The following VCPIP1 variants were observed in gnomAD, a reference collection of about 807,000 sequenced individuals.
VCPIP1 encodes the protein valosin containing protein interacting protein 1.
Under a neutral mutation model 85.0 loss-of-function variants are expected in VCPIP1, and 8 were observed. That is an observed-to-expected ratio of 0.09 (90% CI 0.06 to 0.17). The LOEUF (loss-of-function observed/expected upper bound fraction) is 0.17, where lower values mean the gene tolerates loss of function less well. Ranked by LOEUF, VCPIP1 falls within the 10% of genes least tolerant of loss-of-function variation. The pLI is 1.00. For missense variants in VCPIP1, 1,070 were observed against 1,486.3 expected (o/e 0.72, Z 4.61); for synonymous variants, 543 against 544.5 (o/e 1.00, Z 0.04).
intron 2 of VCPIP1, among the ~76,000 whole-genome samples, chr8:66,641,324 C>A (rs553933526): frequency 1.3e-5 from 2 of 152,114 alleles, no homozygotes; most frequent in Non-Finnish European, 2.9e-5. Context: ...AGTTCACATA[C>A]AATTCACCCA....
chr8:66,650,653 TAAC>T (rs200842724), intron 2 of VCPIP1, among the ~76,000 whole-genome samples: 3,469 of 152,026 alleles, frequency 0.023, 59 homozygotes, highest in Non-Finnish European at 0.036. Flanking sequence ...TGGCCAAACA[TAAC>T]AACAACAACA....
chr8:66,664,886 T>A lies in VCPIP1; in HGVS notation c.2073A>T (p.Lys691Asn). Residue 691 changes from lysine (K) to asparagine (N), a missense_variant, in exon 1 of 3, where the codon AAA (lysine) becomes AAT (asparagine). Transcript: ENST00000310421. ...TTGTTTTCTGTCCAGTAAGAATAAT[T>A]TTAGTTGGGAGCTGAGACTCTGATT... ...GQESESQLPT[K>N]IILTGQKTKT... 1 of 1,614,200 alleles carries A rather than the reference T, an allele frequency of 6.2e-7. No homozygotes were observed. Among genetic ancestry groups the A allele is most frequent in the Non-Finnish European group, 8.5e-7 (1 of 1,180,042 alleles).
chr8:66,648,487 T>C (rs1466252680), intron 2 of VCPIP1, among the ~76,000 whole-genome samples: 1 of 152,210 alleles, frequency 6.6e-6, no homozygotes, highest in Admixed American at 6.5e-5. Context: ...ATCTGTCATC[T>C]ATCTGATCTA....
intron 1 of VCPIP1, among the ~76,000 whole-genome samples, chr8:66,659,603 C>T (rs1811135896): frequency 6.6e-6 from 1 of 152,088 alleles, no homozygotes; most frequent in Non-Finnish European, 1.5e-5. Context: ...AGAAAAAGCT[C>T]ATGTCCCTGG....
Position 66,635,178 on chromosome 8 carries a change from T to C in VCPIP1, c.2992A>G (p.Ser998Gly). ...AGTTTTAATAGCCCATGTGAGGGAC[T>C]TGATTCCCTACTTCTTGTAGTAGCC... ...AEATTRSRES[S>G]PSHGLLKLGS... The change falls in exon 3 of 3, where the codon AGT (serine) becomes GGT (glycine). Residue 998 changes from serine (S) to glycine (G), a missense_variant. By Grantham distance (56) the Ser-to-Gly change is moderately conservative. Coordinates refer to ENST00000310421, the MANE Select transcript of VCPIP1 (RefSeq NM_025054.5). 6.2e-7 allele frequency: 1 copy of C among 1,614,196 alleles called. No homozygotes were observed. The highest frequency in any genetic ancestry group is 8.5e-7 in the Non-Finnish European group (1 of 1,180,040).
At chr8:66,651,846 C>A (rs1811056761) in intron 1 of VCPIP1, among the ~76,000 whole-genome samples, 3 of 152,088 alleles carry the variant, frequency 2.0e-5, no homozygotes, top group Admixed American at 1.3e-4. Context: ...TGAATTCTCC[C>A]AATTTTAAAA....
chr8:66,646,777 C>T (rs1017975930), intron 2 of VCPIP1, among the ~76,000 whole-genome samples: 19 of 151,858 alleles, frequency 1.3e-4, no homozygotes, highest in African/African-American at 4.3e-4. Flanking sequence ...ACCTGGGTGA[C>T]GGAGTGAGAC....
rs954862191 is a variant in VCPIP1, at chr8:66,634,670, G to C, written c.3500C>G (p.Thr1167Ser). 3.7e-6 allele frequency: 6 copies of C among 1,613,116 alleles called. No individual in the cohort carries two copies. The highest frequency in any genetic ancestry group is 1.7e-5 in the Admixed American group (1 of 59,950). The change falls in exon 3 of 3, where the codon ACT (threonine) becomes AGT (serine). Residue 1167 changes from threonine to serine, a missense_variant. Coordinates refer to ENST00000310421, the MANE Select transcript of VCPIP1 (RefSeq NM_025054.5). Reference sequence around the variant, plus strand: ...AGTTGTTTCTGTATTCAAATTTTCAGTACCACCAGTTAAAGGAAAAGATTC... The same window carrying C: ...AGTTGTTTCTGTATTCAAATTTTCACTACCACCAGTTAAAGGAAAAGATTC... Reference protein sequence around the residue: ...LPESFPLTGGTENLNTETTDG... With the variant: ...LPESFPLTGGSENLNTETTDG...
At position 66,666,155 on chromosome 8, in the gene VCPIP1, G is replaced by A; in HGVS notation, c.804C>T (p.Asp268=). 4 of 1,614,140 alleles carry A rather than the reference G, an allele frequency of 2.5e-6. No individual in the cohort carries two copies. Among genetic ancestry groups the A allele is most frequent in the Non-Finnish European group, 1.7e-6 (2 of 1,180,028 alleles). ...HDFIDAAEWE[D]IINECDPLFV... is the part of the protein sequence containing the mutation. The stretch of plus-strand genomic sequence containing the variant: ...ACAGAGGGTCACACTCATTGATAAT[G>A]TCCTCCCACTCAGCAGCATCAATGA... The change falls in exon 1 of 3, where the codon GAC becomes GAT. Residue 268 remains aspartate (D), a synonymous_variant. Transcript: ENST00000310421. The surrounding 1 kb of genome is among the most constrained non-coding windows in gnomAD (Gnocchi z 6.3).
rs1271694875 is a variant in VCPIP1 at position 66,665,200 on chromosome 8, T to C, written c.1759A>G (p.Asn587Asp). ...KHFWDGKEYD[N>D]LPEAFPITLE... is the part of the protein sequence containing the mutation. ...GTAATAGGGAAAGCTTCTGGTAGAT[T>C]GTCATACTCCTTACCATCCCAAAAG... The change falls in exon 1 of 3, where the codon AAT (asparagine) becomes GAT (aspartate). Residue 587 changes from asparagine to aspartate, a missense_variant. This residue lies in a region of VCPIP1 where 123 missense variants were observed against 156.3 expected (regional missense o/e 0.79). Coordinates refer to ENST00000310421, the MANE Select transcript of VCPIP1 (RefSeq NM_025054.5). This position sits in a 1 kb window ranked among gnomAD's most constrained non-coding sequence, Gnocchi z 4.3. The C allele has an allele frequency of 6.2e-7, 1 of 1,613,610 alleles. No individual in the cohort carries two copies.
At position 66,634,458 on chromosome 8, in the gene VCPIP1, A is replaced by G. The variant is rs1177881993; in HGVS notation, c.*43T>C. The stretch of plus-strand genomic sequence containing the variant: ...ACGTGGCCCAGCCAACAAATATTAC[A>G]TATTCACAATAAACATTCTGCCTTT... On this transcript the variant is annotated 3_prime_UTR_variant, in exon 3 of 3. Coordinates refer to ENST00000310421, the MANE Select transcript of VCPIP1 (RefSeq NM_025054.5). The G allele has an allele frequency of 1.3e-6, 2 of 1,526,998 alleles. No individual in the cohort carries two copies. The highest frequency in any genetic ancestry group is 1.3e-5 in the South Asian group (1 of 75,990). The allele number at this position is 1,526,998 out of a possible 1,614,324, so 94.6% of individuals were successfully genotyped here. A position where few individuals can be genotyped will look rare whatever the true frequency, so the allele number is the denominator to read the frequency against.
intron 1 of VCPIP1, among the ~76,000 whole-genome samples, chr8:66,653,309 A>G (rs1011470121): frequency 1.3e-5 from 2 of 152,216 alleles, no homozygotes; most frequent in Admixed American, 6.5e-5. Context: ...CCTCACTTGG[A>G]TAAATTATTT....
intron 1 of VCPIP1, among the ~76,000 whole-genome samples, chr8:66,662,042 C>T (rs1586630117): frequency 6.6e-6 from 1 of 152,014 alleles, no homozygotes; most frequent in South Asian, 2.1e-4. Context: ...GCTGGGATTA[C>T]AGGCATGAGC....
rs1261089718 is a variant in VCPIP1, at chr8:66,632,081, A to C, written c.*2420T>G. On this transcript the variant is annotated 3_prime_UTR_variant, in exon 3 of 3. Coordinates refer to ENST00000310421, the MANE Select transcript of VCPIP1 (RefSeq NM_025054.5). ...CCTCTAGGGCTAAAAAAAAAAAAAA[A>C]AACAAATTTACCTGAGATGTCTAGC... The C allele has an allele frequency of 6.6e-6, 1 of 151,972 alleles. No homozygotes were observed. The highest frequency in any genetic ancestry group is 2.4e-5 in the African/African-American group (1 of 41,412). 9.4% of individuals were successfully genotyped at this position (151,972 alleles called of 1,614,324 possible). A position where few individuals can be genotyped will look rare whatever the true frequency, so the allele number is the denominator to read the frequency against.
rs142431604 is a variant in VCPIP1, at chr8:66,664,448, T to C, written c.2511A>G (p.Pro837=). The part of the protein sequence containing the change: ...MPPQAGMEKE[P]VPLQHGDRIT... The stretch of plus-strand genomic sequence containing the variant: ...TTCTGTCGCCATGCTGTAAAGGAAC[T>C]GGTTCCTTTTCCATTCCTGCCTGTG... The change falls in exon 1 of 3, where the codon CCA becomes CCG. Residue 837 remains proline (P), a synonymous_variant. Coordinates refer to ENST00000310421, the MANE Select transcript of VCPIP1 (RefSeq NM_025054.5). The C allele has an allele frequency of 2.0e-4, 320 of 1,613,914 alleles. No individual in the cohort carries two copies. The African/African-American group carries it at 3.5e-3, about 18-fold the overall frequency.
rs1810873576 is a variant in VCPIP1, at chr8:66,635,274, C to T, written c.2896G>A (p.Ala966Thr). 2 of 1,614,190 alleles carry T rather than the reference C, an allele frequency of 1.2e-6. No homozygotes were observed. Among genetic ancestry groups the T allele is most frequent in the East Asian group, 2.2e-5 (1 of 44,888 alleles). ...TCAGGACCAATGGGGAAATGTCCTG[C>T]AGCATCCACACACAATTCCAGTCTA... The part of the protein sequence containing the change: ...EDRLELCVDA[A>T]GHFPIGPDVE... The change falls in exon 3 of 3, where the codon GCA becomes ACA. Residue 966 changes from alanine to threonine, a missense_variant. Ala to Thr is a moderately conservative substitution (Grantham distance 58, BLOSUM62 0). Around this residue, in one of 8 missense-constraint regions of VCPIP1, gnomAD observed 46 missense variants for 95.2 expected, o/e 0.48. Transcript: ENST00000310421.
chr8:66,647,524 A>C (rs1305991256), intron 2 of VCPIP1, among the ~76,000 whole-genome samples: 5 of 152,154 alleles, frequency 3.3e-5, no homozygotes, highest in Non-Finnish European at 5.9e-5. Flanking sequence ...ACTGTACTGG[A>C]GAAAGGAGAG....
At chr8:66,641,880 G>C (rs1810951771) in intron 2 of VCPIP1, among the ~76,000 whole-genome samples, 2 of 152,172 alleles carry the variant, frequency 1.3e-5, no homozygotes, top group South Asian at 4.1e-4. Context: ...AGGCTATGAT[G>C]AATAATGCAC....
intron 2 of VCPIP1, among the ~76,000 whole-genome samples, chr8:66,650,857 T>C (rs1441910710): frequency 3.9e-5 from 3 of 76,632 alleles, no homozygotes; most frequent in African/African-American, 5.7e-5. Context: ...CAAGACTTCG[T>C]CTCAAAAAAA....
Sources: gnomAD v4.1 joint callset for allele counts (sites outside exome capture counted in the v4.1 genomes callset) on GRCh38, gnomAD v4.1.1 for gene constraint, gnomAD v4.1.1 regional missense constraint, Gnocchi (gnomAD v3.1) non-coding constraint, MANE v1.5 for transcripts, NCBI Gene and HGNC (gene_info 2026-07-23, HGNC 2026-07-21) for gene names.